The following SERGEF variants were observed in gnomAD, a reference collection of about 807,000 sequenced individuals.
The protein encoded by SERGEF is secretion regulating guanine nucleotide exchange factor, also known as secretion-regulating guanine nucleotide exchange factor.
SERGEF carries 51 observed loss-of-function variants against 50.0 expected under a neutral mutation model. That is an observed-to-expected ratio of 1.02 (90% CI 0.81 to 1.29). The LOEUF is 1.29. Ranked by LOEUF, SERGEF falls within the 50% of genes most tolerant of loss-of-function variation. The pLI, the probability that SERGEF is intolerant of heterozygous loss-of-function variation, is 0.00. For missense variants in SERGEF, 521 were observed against 557.0 expected (o/e 0.94, Z 0.65); for synonymous variants, 205 against 212.4 (o/e 0.97, Z 0.30).
chr11:17,822,680 G>A (rs1445141313), intron 10 of SERGEF, among the ~76,000 whole-genome samples: 1 of 152,142 alleles, frequency 6.6e-6, no homozygotes, highest in African/African-American at 2.4e-5. Context: ...ATTCCAAAGT[G>A]CCATCAGGCA....
chr11:17,788,779 C>T (rs1221731848), intron 10 of SERGEF, among the ~76,000 whole-genome samples: 1 of 152,242 alleles, frequency 6.6e-6, no homozygotes, highest in Admixed American at 6.5e-5. Flanking sequence ...CCTCAGCCAG[C>T]TCCAGCCTCA....
chr11:17,946,927 C>A (rs1029326654), intron 9 of SERGEF, among the ~76,000 whole-genome samples: 2 of 152,170 alleles, frequency 1.3e-5, no homozygotes, highest in Non-Finnish European at 2.9e-5. Context: ...AGATGGAGCC[C>A]CCAAGGCTTC....
intron 10 of SERGEF, among the ~76,000 whole-genome samples, chr11:17,831,143 G>C (rs1393716080): frequency 6.6e-6 from 1 of 152,096 alleles, no homozygotes; most frequent in African/African-American, 2.4e-5. Context: ...AAATCACTTG[G>C]TGCACTTGTC....
In SERGEF at chr11:17,804,275, T is replaced by C. The variant is rs150791949; in HGVS notation, c.1049-15862A>G. On this transcript the variant is annotated intron_variant, in intron 10 of 10. Transcript: ENST00000265965. Reference sequence around the variant, plus strand: ...CCACTGCTGTAGGAGTTAGACTCGCTAAATTGTTTTCAATCTCCCAGTGCA... The same window carrying C: ...CCACTGCTGTAGGAGTTAGACTCGCCAAATTGTTTTCAATCTCCCAGTGCA... Among the ~76,000 whole-genome samples, 269 of 152,300 alleles carry C rather than the reference T, an allele frequency of 1.8e-3. 1 individual carries two copies. The highest frequency in any genetic ancestry group is 6.1e-3 in the African/African-American group (255 of 41,554).
chr11:18,007,136 T>G (rs1242152974), intron 2 of SERGEF, among the ~76,000 whole-genome samples: 3 of 152,242 alleles, frequency 2.0e-5, no homozygotes, highest in East Asian at 1.9e-4. Flanking sequence ...CAGAGTGGCT[T>G]AATTTTTAGT....
At chr11:17,947,479 G>A (rs1036702700) in intron 9 of SERGEF, among the ~76,000 whole-genome samples, 3 of 152,230 alleles carry the variant, frequency 2.0e-5, no homozygotes, top group Non-Finnish European at 4.4e-5. Flanking sequence ...CAGCTTTAAA[G>A]TGGTGGTTTC....
chr11:17,949,664 G>A (rs1316531868), intron 9 of SERGEF, among the ~76,000 whole-genome samples: 1 of 152,098 alleles, frequency 6.6e-6, no homozygotes, highest in African/African-American at 2.4e-5. Flanking sequence ...GGAGGTCAGG[G>A]CTCATCACAT....
chr11:17,939,834 C>T (rs1016495635), intron 9 of SERGEF, among the ~76,000 whole-genome samples: 2 of 152,194 alleles, frequency 1.3e-5, no homozygotes, highest in Non-Finnish European at 2.9e-5. Flanking sequence ...CTAGACTTGG[C>T]CATTCCTCTT....
chr11:17,814,002 T>C (rs1849919915), intron 10 of SERGEF, among the ~76,000 whole-genome samples: 1 of 152,172 alleles, frequency 6.6e-6, no homozygotes, highest in African/African-American at 2.4e-5. Context: ...CTTGTGGGCC[T>C]ACATGCCAGA....
intron 10 of SERGEF, among the ~76,000 whole-genome samples, chr11:17,852,759 C>T (rs1411009865): frequency 1.3e-5 from 2 of 152,210 alleles, no homozygotes; most frequent in African/African-American, 4.8e-5. Flanking sequence ...ATCTGATCCT[C>T]ATAATACCCT....
chr11:18,007,797 AT>A (rs1168875947), intron 2 of SERGEF, 143 bp downstream of exon 2: 1 of 789,120 alleles, frequency 1.3e-6, no homozygotes, highest in Admixed American at 3.0e-5. Flanking sequence ...TCTGATGGTA[AT>A]TTGGCTCTTT....
chr11:18,012,264 A>C, intron 1 of SERGEF, among the ~76,000 whole-genome samples: 1 of 152,226 alleles, frequency 6.6e-6, no homozygotes, highest in East Asian at 1.9e-4. Context: ...GCTATGAAGA[A>C]GCACAAGACG....
intron 9 of SERGEF, among the ~76,000 whole-genome samples, chr11:17,919,648 CCT>C (rs1025610894): frequency 1.3e-5 from 2 of 152,106 alleles, no homozygotes; most frequent in Non-Finnish European, 2.9e-5. Flanking sequence ...CTGAACTCAT[CCT>C]CTCTTATTCT....
intron 10 of SERGEF, among the ~76,000 whole-genome samples, chr11:17,844,105 T>C (rs7110047): frequency 0.16 from 24,795 of 152,106 alleles, 2,328 homozygotes; most frequent in Middle Eastern, 0.29. Context: ...TTTCACTTTA[T>C]AGATATGAGA....
intron 9 of SERGEF, among the ~76,000 whole-genome samples, chr11:17,910,902 C>T (rs576092214): frequency 4.9e-4 from 74 of 152,248 alleles, no homozygotes; most frequent in African/African-American, 1.7e-3. Flanking sequence ...GGCCTCGTGG[C>T]TCAGGTGGGT....
chr11:17,923,471 A>G (rs1852195764), intron 9 of SERGEF, among the ~76,000 whole-genome samples: 1 of 152,230 alleles, frequency 6.6e-6, no homozygotes, highest in African/African-American at 2.4e-5. Flanking sequence ...AAATGAGCTG[A>G]GCACAGGCAA....
At position 17,919,945 on chromosome 11, in the gene SERGEF, T is replaced by TAA. The variant is rs58325345; in HGVS notation, c.1011+39523_1011+39524dup. 9.5e-3 allele frequency among the ~76,000 whole-genome samples: 1,083 copies of TAA among 114,292 alleles called. 62 individuals are homozygous for TAA. The East Asian group carries it at 0.19, about 20-fold the overall frequency. 75.0% of individuals were successfully genotyped at this position (114,292 alleles called of 152,430 possible). A position where few individuals can be genotyped will look rare whatever the true frequency, so the allele number is the denominator to read the frequency against. ...TGGGCAACAAGAGCAAAACTCCATC[T>TAA]AAAAAAAAAAAAAAAACCGCAGCCA... On this transcript the variant is annotated intron_variant, in intron 9 of 10. Coordinates refer to ENST00000265965, the MANE Select transcript of SERGEF (RefSeq NM_012139.4).
chr11:17,798,603 C>T (rs574862876), intron 10 of SERGEF, among the ~76,000 whole-genome samples: 8 of 152,312 alleles, frequency 5.3e-5, no homozygotes, highest in Non-Finnish European at 7.3e-5. Context: ...GCTATGATGA[C>T]GGATTTAGAA....
intron 8 of SERGEF, among the ~76,000 whole-genome samples, chr11:17,974,228 T>C (rs1352097493): frequency 5.3e-5 from 8 of 152,128 alleles, no homozygotes; most frequent in Non-Finnish European, 2.9e-5. Context: ...ACAAACACCC[T>C]CTACTAGCAG....
Sources: allele counts gnomAD v4.1 joint callset (sites outside exome capture counted in the v4.1 genomes callset), GRCh38; gene constraint gnomAD v4.1.1; transcripts MANE v1.5; gene names NCBI Gene and HGNC (gene_info 2026-07-23, HGNC 2026-07-21).